SNX24: variants seen among roughly 807,000 people sequenced by gnomAD.
SNX24 encodes sorting nexin-24.
A neutral mutation model predicts 28.7 loss-of-function variants in SNX24; 22 were observed. The ratio of observed to expected loss-of-function variants is 0.77; its 90% CI spans 0.55 to 1.10. The LOEUF is 1.10. Ranked by LOEUF, SNX24 falls within the 50% of genes least tolerant of loss-of-function variation. The pLI, the probability that SNX24 is intolerant of heterozygous loss-of-function variation, is 0.00. For synonymous variants in SNX24, 69 were observed against 71.5 expected (o/e 0.96, Z 0.18); for missense variants, 221 against 201.1 (o/e 1.10, Z -0.60).
At chr5:122,895,611 C>T (rs977009491) in intron 1 of SNX24, among the ~76,000 whole-genome samples, 1 of 152,168 alleles carries the variant, frequency 6.6e-6, no homozygotes, top group African/African-American at 2.4e-5. Flanking sequence ...TTATCATCCC[C>T]CGCAGGGGAC....
In SNX24 at chr5:122,954,115, A is replaced by G. The variant is rs915830337; in HGVS notation, c.249+7956A>G. ...GTATCTTTGACTTTTCCAGTTGTAC[A>G]TGAAACAGTTACTAAAATTGACCAT... On this transcript the variant is annotated intron_variant, in intron 3 of 6. Transcript: ENST00000261369. Among the ~76,000 whole-genome samples the G allele has an allele frequency of 2.0e-5, 3 of 152,180 alleles. No individual in the cohort carries two copies. In the South Asian group the frequency reaches 6.2e-4, roughly 31 times the overall value.
Position 123,023,949 on chromosome 5 carries a change from T to C in SNX24, n.384-5289T>C, listed in dbSNP as rs149445499. ...CCACTGTTGATGATCGAGCAGTTGG[T>C]GAGTGGACGGTCATGCCCATCAGTT... On this transcript the variant is annotated intron_variant and non_coding_transcript_variant, in intron 5 of 5. Transcript: ENST00000502387. The C allele has an allele frequency of 2.9e-4, 471 of 1,614,112 alleles. 1 individual carries two copies. In the African/African-American group the frequency reaches 5.7e-3, roughly 20 times the overall value.
rs748747229 is a variant in SNX24 at position 122,992,479 on chromosome 5, G to GT, written c.250-7426dup. On this transcript the variant is annotated intron_variant, in intron 3 of 6. Coordinates refer to ENST00000261369, the MANE Select transcript of SNX24 (RefSeq NM_014035.4). ...TTATTTTCTGTGACCTTCCTTAAGG[G>GT]TTTTTTTAATGTCATGCTTCTACTT... 1.2e-4 allele frequency among the ~76,000 whole-genome samples: 18 copies of GT among 152,070 alleles called. 2 individuals are homozygous for GT. Among genetic ancestry groups the GT allele is most frequent in the East Asian group, 3.9e-4 (2 of 5,186 alleles).
At chr5:122,928,179 A>G (rs1758784296) in intron 1 of SNX24, among the ~76,000 whole-genome samples, 1 of 152,162 alleles carries the variant, frequency 6.6e-6, no homozygotes, top group East Asian at 1.9e-4. Context: ...ACACAATGGT[A>G]ATGCTGAAAG....
At chr5:123,003,372 C>T (rs761701225) in intron 6 of SNX24, among the ~76,000 whole-genome samples, 1 of 152,156 alleles carries the variant, frequency 6.6e-6, no homozygotes, top group Non-Finnish European at 1.5e-5. Context: ...TTATGTTTAA[C>T]AAATATACAT....
At chr5:122,932,826 T>A (rs1224069334) in intron 1 of SNX24, among the ~76,000 whole-genome samples, 2 of 133,440 alleles carry the variant, frequency 1.5e-5, no homozygotes, top group Non-Finnish European at 3.1e-5. Flanking sequence ...ACCACTGCGC[T>A]CCAGCCGGGG....
At position 122,964,881 on chromosome 5, in the gene SNX24, T is replaced by C. The variant is rs533375722; in HGVS notation, c.249+18722T>C. 2.0e-5 allele frequency among the ~76,000 whole-genome samples: 3 copies of C among 152,364 alleles called. No individual in the cohort carries two copies. In the East Asian group the frequency reaches 5.8e-4, roughly 29 times the overall value. On this transcript the variant is annotated intron_variant, in intron 3 of 6. Transcript: ENST00000261369. ...TAAAACAATTCTAACAAAGGCTCCA[T>C]AATATCCTATACTGTGGATGCATTA...
At chr5:122,913,183 C>T (rs1561585586) in intron 1 of SNX24, among the ~76,000 whole-genome samples, 1 of 152,216 alleles carries the variant, frequency 6.6e-6, no homozygotes, top group Admixed American at 6.5e-5. Flanking sequence ...TTCTATTCCA[C>T]AAAACCGCCA....
chr5:122,910,722 C>T (rs200704458), intron 1 of SNX24, among the ~76,000 whole-genome samples: 3 of 146,192 alleles, frequency 2.1e-5, no homozygotes, highest in South Asian at 4.4e-4. Context: ...TGTGGTGTTT[C>T]GTTTTTTGTC....
chr5:122,870,358 G>T (rs1437834410), intron 1 of SNX24, among the ~76,000 whole-genome samples: 1 of 152,182 alleles, frequency 6.6e-6, no homozygotes. Context: ...AACTTCTACA[G>T]ATGTAAACAG....
At chr5:122,919,764 A>C (rs562372457) in intron 1 of SNX24, among the ~76,000 whole-genome samples, 2 of 152,304 alleles carry the variant, frequency 1.3e-5, no homozygotes, top group African/African-American at 2.4e-5. Flanking sequence ...GAGACAGGCC[A>C]GGTAGCCTGC....
chr5:122,999,888 G>A (rs372810287), intron 3 of SNX24, 24 bp from the exon 4 acceptor site: 51 of 1,454,056 alleles, frequency 3.5e-5, no homozygotes, highest in Admixed American at 5.0e-5. Context: ...CTTCAGTTTC[G>A]AATTCTGTTT....
intron 3 of SNX24, among the ~76,000 whole-genome samples, chr5:122,981,059 G>A (rs1374262046): frequency 6.6e-6 from 1 of 152,112 alleles, no homozygotes; most frequent in Non-Finnish European, 1.5e-5. Context: ...CACTCCATTT[G>A]CATGCCAAAG....
intron 5 of SNX24, chr5:123,028,841 A>G (rs1423209315): frequency 1.2e-6 from 2 of 1,613,046 alleles, no homozygotes; most frequent in East Asian, 2.2e-5. Flanking sequence ...ACACGATGAA[A>G]CTTGCTTCCT....
In SNX24 at chr5:122,900,787, G is replaced by T. The variant is rs1457508141; in HGVS notation, c.61-35947G>T. ...TCAGTCTCAAAAAAGAAAGAAAAAA[G>T]AAATAAAACAACAGGGAAAGGATAA... On this transcript the variant is annotated intron_variant, in intron 1 of 6. Coordinates refer to ENST00000261369, the MANE Select transcript of SNX24 (RefSeq NM_014035.4). Among the ~76,000 whole-genome samples, 4 of 151,332 alleles carry T rather than the reference G, an allele frequency of 2.6e-5. No individual in the cohort carries two copies. The East Asian group carries it at 7.8e-4, about 29-fold the overall frequency.
intron 1 of SNX24, among the ~76,000 whole-genome samples, chr5:122,899,474 T>C (rs1409107997): frequency 2.0e-5 from 3 of 152,168 alleles, no homozygotes; most frequent in Non-Finnish European, 2.9e-5. Flanking sequence ...AGTGGCACAA[T>C]TACAGCTCAC....
At chr5:122,860,990 G>A (rs547525105) in intron 1 of SNX24, among the ~76,000 whole-genome samples, 1 of 152,284 alleles carries the variant, frequency 6.6e-6, no homozygotes, top group African/African-American at 2.4e-5. Context: ...TTTCACTCAG[G>A]TGGGGTCTTT....
At chr5:122,997,317 A>T (rs1419117088) in intron 3 of SNX24, among the ~76,000 whole-genome samples, 15 of 152,198 alleles carry the variant, frequency 9.9e-5, no homozygotes, top group Non-Finnish European at 2.1e-4. Flanking sequence ...GTTTTATGGA[A>T]AATATTATTT....
At chr5:123,028,714 T>C (rs1762898571) in intron 5 of SNX24, 2 of 1,370,888 alleles carry the variant, frequency 1.5e-6, no homozygotes, top group Admixed American at 1.8e-5. Context: ...TGGGTTCATA[T>C]ACTGGCTTAA....
Sources: gnomAD v4.1 joint callset for allele counts (sites outside exome capture counted in the v4.1 genomes callset) on GRCh38, gnomAD v4.1.1 for gene constraint, MANE v1.5 for transcripts, NCBI Gene and HGNC (gene_info 2026-07-23, HGNC 2026-07-21) for gene names.